The following PRKG1 variants were observed in gnomAD, a reference collection of about 807,000 sequenced individuals.
The protein encoded by PRKG1 is protein kinase cGMP-dependent 1.
Under a neutral mutation model 88.1 loss-of-function variants are expected in PRKG1, and 35 were observed. The observed-to-expected ratio is 0.40, with a 90% CI of 0.30 to 0.53. The LOEUF is 0.53. Among genes scored for constraint, PRKG1 ranks in the 20% least tolerant of loss-of-function variants. PRKG1 has a pLI of 0.59. For synonymous variants in PRKG1, 303 were observed against 292.5 expected (o/e 1.04, Z -0.37); for missense variants, 540 against 839.8 (o/e 0.64, Z 4.41).
chr10:51,803,562 A>G (rs1839229195), intron 3 of PRKG1, among the ~76,000 whole-genome samples: 1 of 152,090 alleles, frequency 6.6e-6, no homozygotes, highest in Non-Finnish European at 1.5e-5. Flanking sequence ...CTCCCAAATC[A>G]TGATCCATCA....
At chr10:52,026,011 C>T (rs1845327220) in intron 5 of PRKG1, among the ~76,000 whole-genome samples, 1 of 151,684 alleles carries the variant, frequency 6.6e-6, no homozygotes, top group Non-Finnish European at 1.5e-5. Context: ...AGAAATAATG[C>T]CACACATCTA....
chr10:51,597,964 T>C (rs1233579352), intron 3 of PRKG1, among the ~76,000 whole-genome samples: 2 of 152,134 alleles, frequency 1.3e-5, no homozygotes, highest in Non-Finnish European at 2.9e-5. Flanking sequence ...TTAAAAAAAC[T>C]CTAGAAGGAG....
rs1837350780 is a variant in PRKG1, at chr10:51,738,540, C to T, written c.593-66045C>T. On this transcript the variant is annotated intron_variant, in intron 3 of 17. Transcript: ENST00000373980. ...TTCTAAACATTCAAAAAATGTTTTG[C>T]TAATTTGTTTTGTTTGCTGTTTTAC... 2.0e-5 allele frequency among the ~76,000 whole-genome samples: 3 copies of T among 152,124 alleles called. 1 individual carries two copies. The South Asian group carries it at 6.2e-4, about 32-fold the overall frequency.
At chr10:51,736,974 T>C (rs1837296855) in intron 3 of PRKG1, among the ~76,000 whole-genome samples, 2 of 152,070 alleles carry the variant, frequency 1.3e-5, no homozygotes, top group Admixed American at 6.6e-5. Context: ...TCAAAGTAAA[T>C]TGCAGCTATC....
At chr10:51,724,472 A>G (rs1842084971) in intron 3 of PRKG1, among the ~76,000 whole-genome samples, 1 of 152,218 alleles carries the variant, frequency 6.6e-6, no homozygotes, top group Non-Finnish European at 1.5e-5. Context: ...TGTTTTTCTT[A>G]TCAACTCTGC....
At chr10:52,003,124 T>A (rs1004976282) in intron 5 of PRKG1, among the ~76,000 whole-genome samples, 7 of 152,212 alleles carry the variant, frequency 4.6e-5, no homozygotes, top group African/African-American at 1.7e-4. Flanking sequence ...ATCATTCTTT[T>A]TTTATGACCA....
intron 7 of PRKG1, among the ~76,000 whole-genome samples, chr10:52,070,024 A>C (rs1166117954): frequency 6.6e-6 from 1 of 152,182 alleles, no homozygotes; most frequent in Non-Finnish European, 1.5e-5. Context: ...TTGAATAATA[A>C]TATAATATTA....
At chr10:51,877,294 G>A (rs1841323211) in intron 4 of PRKG1, among the ~76,000 whole-genome samples, 1 of 152,020 alleles carries the variant, frequency 6.6e-6, no homozygotes, top group African/African-American at 2.4e-5. Flanking sequence ...CTGATTAACT[G>A]TTTTATGATC....
At chr10:51,870,459 AC>A (rs1161276861) in intron 4 of PRKG1, among the ~76,000 whole-genome samples, 1 of 151,648 alleles carries the variant, frequency 6.6e-6, no homozygotes, top group Admixed American at 6.6e-5. Context: ...TGAAGTTTAA[AC>A]CTAGGAGATA....
At chr10:52,101,225 C>T (rs1847285730) in intron 7 of PRKG1, among the ~76,000 whole-genome samples, 2 of 152,134 alleles carry the variant, frequency 1.3e-5, no homozygotes, top group African/African-American at 4.8e-5. Flanking sequence ...CAACAAAATA[C>T]AGCTTTCAAA....
At chr10:52,200,608 C>T (rs1839639109) in intron 9 of PRKG1, among the ~76,000 whole-genome samples, 1 of 152,080 alleles carries the variant, frequency 6.6e-6, no homozygotes, top group African/African-American at 2.4e-5. Flanking sequence ...AGTAGTTCTG[C>T]TTTAAGTTCT....
intron 3 of PRKG1, among the ~76,000 whole-genome samples, chr10:51,468,863 AC>A (rs1839975153): frequency 6.6e-6 from 1 of 151,876 alleles, no homozygotes; most frequent in South Asian, 2.1e-4. Context: ...TTTAAAAAAA[AC>A]ATAAGAATGC....
chr10:51,621,001 A>G (rs12354581), intron 3 of PRKG1, among the ~76,000 whole-genome samples: 1,343 of 71,922 alleles, frequency 0.019, 15 homozygotes, highest in Non-Finnish European at 0.026. Context: ...GTGTGTGTGT[A>G]TATGTGTGTA....
chr10:51,444,170 A>T (rs561726266), intron 2 of PRKG1, among the ~76,000 whole-genome samples: 13 of 151,732 alleles, frequency 8.6e-5, no homozygotes, highest in Admixed American at 4.0e-4. Context: ...TACAGTAACT[A>T]GAAATATCTA....
At position 51,808,821 on chromosome 10, in the gene PRKG1, A is replaced by G. The variant is rs573370083; in HGVS notation, c.698+4131A>G. 2.6e-5 allele frequency among the ~76,000 whole-genome samples: 4 copies of G among 152,286 alleles called. No individual in the cohort carries two copies. The South Asian group carries it at 8.3e-4, about 32-fold the overall frequency. ...GGGGTAAAGCAATGGCAATGCTATT[A>G]AAAAAATGAAAACTCTAGCAAAGGA... On this transcript the variant is annotated intron_variant, in intron 4 of 17. Transcript: ENST00000373980.
intron 2 of PRKG1, among the ~76,000 whole-genome samples, chr10:51,209,376 A>G (rs1456738309): frequency 6.6e-6 from 1 of 152,318 alleles, no homozygotes. Flanking sequence ...TCCAGTGAAC[A>G]GATAAGTATT....
intron 2 of PRKG1, among the ~76,000 whole-genome samples, chr10:51,277,096 T>A (rs1840143766): frequency 6.6e-6 from 1 of 152,242 alleles, no homozygotes; most frequent in Admixed American, 6.5e-5. Context: ...TGGTTTTAGG[T>A]CTAACGTTTA....
intron 5 of PRKG1, among the ~76,000 whole-genome samples, chr10:51,939,463 G>A (rs74231958): frequency 0.1 from 15,828 of 151,906 alleles, 952 homozygotes; most frequent in South Asian, 0.24. Flanking sequence ...AAACTCTGAA[G>A]GATGTAAAGA....
At chr10:52,176,178 T>C (rs1213559887) in intron 9 of PRKG1, among the ~76,000 whole-genome samples, 2 of 142,198 alleles carry the variant, frequency 1.4e-5, no homozygotes, top group Non-Finnish European at 3.0e-5. Context: ...TTTCTCTTTT[T>C]TTTTTTTTTT....
Sources: gnomAD v4.1 joint callset for allele counts (sites outside exome capture counted in the v4.1 genomes callset) on GRCh38, gnomAD v4.1.1 for gene constraint, MANE v1.5 for transcripts, NCBI Gene and HGNC (gene_info 2026-07-23, HGNC 2026-07-21) for gene names.